The following ADGRB3 variants were observed in gnomAD, a reference collection of about 807,000 sequenced individuals.
ADGRB3 encodes brain-specific angiogenesis inhibitor 3.
ADGRB3 carries 37 observed loss-of-function variants against 193.4 expected under a neutral mutation model. The observed-to-expected ratio is 0.19, with a 90% CI of 0.15 to 0.25. The LOEUF (loss-of-function observed/expected upper bound fraction) is 0.25. ADGRB3 is among the 10% of genes least tolerant of loss of function. The pLI, the probability that ADGRB3 is intolerant of heterozygous loss-of-function variation, is 1.00. For missense variants in ADGRB3, 1,637 were observed against 1,852.9 expected (o/e 0.88, Z 2.14); for synonymous variants, 690 against 644.2 (o/e 1.07, Z -1.08).
chr6:69,119,868 A>G (rs955407848), intron 17 of ADGRB3, among the ~76,000 whole-genome samples: 2 of 152,130 alleles, frequency 1.3e-5, no homozygotes, highest in African/African-American at 2.4e-5. Flanking sequence ...ATAAACTTAC[A>G]TTTTAAGAGA....
At chr6:68,726,379 G>T (rs1004467666) in intron 3 of ADGRB3, among the ~76,000 whole-genome samples, 1 of 151,464 alleles carries the variant, frequency 6.6e-6, no homozygotes, top group African/African-American at 2.4e-5. Context: ...ACCAAATTTG[G>T]GATTGATCTC....
At chr6:68,805,882 C>CA (rs147449358) in intron 3 of ADGRB3, among the ~76,000 whole-genome samples, 4,009 of 152,230 alleles carry the variant, frequency 0.026, 81 homozygotes, top group African/African-American at 0.051. Context: ...TGATACAACA[C>CA]AATGTATTAA....
At chr6:69,123,558 C>T (rs936977347) in intron 17 of ADGRB3, among the ~76,000 whole-genome samples, 9 of 152,124 alleles carry the variant, frequency 5.9e-5, no homozygotes, top group Non-Finnish European at 1.2e-4. Flanking sequence ...AAAGCTGCAT[C>T]TGCCATATAA....
chr6:68,901,986 G>T (rs1032664001), intron 3 of ADGRB3, among the ~76,000 whole-genome samples: 4 of 152,088 alleles, frequency 2.6e-5, no homozygotes, highest in Admixed American at 2.6e-4. Context: ...AAGCCGTCTT[G>T]TTCTCAATAA....
intron 17 of ADGRB3, among the ~76,000 whole-genome samples, chr6:69,209,829 C>T (rs1185445616): frequency 6.6e-6 from 1 of 152,008 alleles, no homozygotes; most frequent in Non-Finnish European, 1.5e-5. Flanking sequence ...TCTTGCCTCT[C>T]GACACGAGGG....
chr6:69,004,956 T>A (rs1266728483), intron 11 of ADGRB3, among the ~76,000 whole-genome samples: 1 of 152,106 alleles, frequency 6.6e-6, no homozygotes, highest in Non-Finnish European at 1.5e-5. Flanking sequence ...TCTAAACTTG[T>A]GATGTGTGCA....
At chr6:69,316,066 A>G (rs1344758513) in intron 20 of ADGRB3, among the ~76,000 whole-genome samples, 1 of 151,278 alleles carries the variant, frequency 6.6e-6, no homozygotes, top group Non-Finnish European at 1.5e-5. Flanking sequence ...CATAACAAAC[A>G]TGTTCTCTTT....
At chr6:69,234,832 G>A (rs1766225318) in intron 18 of ADGRB3, among the ~76,000 whole-genome samples, 200 bp from the exon 19 acceptor site, 1 of 152,100 alleles carries the variant, frequency 6.6e-6, no homozygotes, top group South Asian at 2.1e-4. Flanking sequence ...TTACTTCACA[G>A]TGGGAGAGAG....
At chr6:68,910,393 A>G (rs535751576) in intron 3 of ADGRB3, among the ~76,000 whole-genome samples, 2 of 152,284 alleles carry the variant, frequency 1.3e-5, no homozygotes, top group African/African-American at 4.8e-5. Flanking sequence ...TTTGCTGTGC[A>G]GAAGCTCTTT....
chr6:69,309,040 C>T (rs1768124537), intron 20 of ADGRB3, among the ~76,000 whole-genome samples: 1 of 151,630 alleles, frequency 6.6e-6, no homozygotes, highest in East Asian at 1.9e-4. Flanking sequence ...TTGAGGGAAG[C>T]CAGTCATCTC....
chr6:68,669,809 T>A (rs1476802886), intron 3 of ADGRB3, among the ~76,000 whole-genome samples: 1 of 151,974 alleles, frequency 6.6e-6, no homozygotes, highest in African/African-American at 2.4e-5. Flanking sequence ...ACAGTGAATA[T>A]GGTAGCTCAA....
At position 69,138,315 on chromosome 6, in the gene ADGRB3, G is replaced by T. The variant is rs79211383; in HGVS notation, c.2480+62277G>T. Among the ~76,000 whole-genome samples, 432 of 152,270 alleles carry T rather than the reference G, an allele frequency of 2.8e-3. 2 individuals are homozygous for T. Among genetic ancestry groups the T allele is most frequent in the African/African-American group, 9.8e-3 (408 of 41,552 alleles). The stretch of plus-strand genomic sequence containing the variant: ...GCAGTGTGTGGTTAACTATTTCAGG[G>T]TCTTCAGTGTTGCCAAAGTATATTC... On this transcript the variant is annotated intron_variant, in intron 17 of 31. Transcript: ENST00000370598.
chr6:69,339,760 A>G (rs1768936873), intron 26 of ADGRB3, among the ~76,000 whole-genome samples: 1 of 152,224 alleles, frequency 6.6e-6, no homozygotes, highest in South Asian at 2.1e-4. Flanking sequence ...CAGGAAGAAT[A>G]GATTTAAAAG....
intron 10 of ADGRB3, among the ~76,000 whole-genome samples, chr6:68,986,751 A>T (rs772332027): frequency 9.9e-5 from 15 of 152,192 alleles, no homozygotes; most frequent in Non-Finnish European, 1.6e-4. Flanking sequence ...GAAAGCCTTT[A>T]ACATACCTTG....
chr6:68,943,372 T>C (rs1183633351), intron 5 of ADGRB3, among the ~76,000 whole-genome samples: 6 of 152,176 alleles, frequency 3.9e-5, no homozygotes, highest in African/African-American at 9.6e-5. Context: ...TTTTCTAATA[T>C]AATAGAAGTC....
chr6:68,982,556 A>G (rs1768949140), intron 10 of ADGRB3, among the ~76,000 whole-genome samples: 1 of 152,150 alleles, frequency 6.6e-6, no homozygotes, highest in Non-Finnish European at 1.5e-5. Context: ...TTTCTGCCCA[A>G]GCAACTTCAA....
chr6:69,300,083 T>G (rs1033713552), intron 20 of ADGRB3, among the ~76,000 whole-genome samples: 1 of 151,804 alleles, frequency 6.6e-6, no homozygotes, highest in African/African-American at 2.4e-5. Context: ...AAAATACTAG[T>G]GAACTGAATT....
At chr6:69,101,170 C>G (rs1032982850) in intron 17 of ADGRB3, among the ~76,000 whole-genome samples, 18 of 151,960 alleles carry the variant, frequency 1.2e-4, no homozygotes, top group African/African-American at 3.9e-4. Flanking sequence ...CCCTGCCCAA[C>G]CCCCAAACAC....
At chr6:69,380,772 G>A (rs1769929968) in intron 30 of ADGRB3, among the ~76,000 whole-genome samples, 1 of 151,750 alleles carries the variant, frequency 6.6e-6, no homozygotes, top group East Asian at 1.9e-4. Context: ...TTATGGCTGT[G>A]TCCTCCATTA....
Sources: allele counts gnomAD v4.1 joint callset (sites outside exome capture counted in the v4.1 genomes callset), GRCh38; gene constraint gnomAD v4.1.1; transcripts MANE v1.5; gene names NCBI Gene and HGNC (gene_info 2026-07-23, HGNC 2026-07-21).